PACC1: variants seen among roughly 807,000 people sequenced by gnomAD.
The protein encoded by PACC1 is proton activated chloride channel 1.
Under a neutral mutation model 39.7 loss-of-function variants are expected in PACC1, and 34 were observed. The observed-to-expected ratio is 0.86, with a 90% CI of 0.65 to 1.14. The LOEUF is 1.14. Ranked by LOEUF, PACC1 falls within the 50% of genes most tolerant of loss-of-function variation. The pLI is 0.00. For missense variants in PACC1, 379 were observed against 436.4 expected (o/e 0.87, Z 1.17); for synonymous variants, 127 against 160.6 (o/e 0.79, Z 1.58).
intron 2 of PACC1, among the ~76,000 whole-genome samples, chr1:212,390,601 A>G (rs1277644015): frequency 6.6e-6 from 1 of 151,988 alleles, no homozygotes; most frequent in Non-Finnish European, 1.5e-5. Flanking sequence ...GGTGCAGGAC[A>G]GTGGGTGCAG....
At chr1:212,370,530 G>A (rs2102467862) in intron 7 of PACC1, among the ~76,000 whole-genome samples, 1 of 152,346 alleles carries the variant, frequency 6.6e-6, no homozygotes, top group South Asian at 2.1e-4. Context: ...TTCTCCAGGG[G>A]AGACCATATG....
Position 212,401,602 on chromosome 1 carries a change from G to A in PACC1, c.133+8823C>T, listed in dbSNP as rs542648443. Among the ~76,000 whole-genome samples the A allele has an allele frequency of 8.8e-5, 12 of 135,980 alleles. 1 individual carries two copies. In the South Asian group the frequency reaches 2.6e-3, roughly 29 times the overall value. 89.2% of individuals were successfully genotyped at this position (135,980 alleles called of 152,430 possible). On this transcript the variant is annotated intron_variant, in intron 2 of 7. Coordinates refer to ENST00000261455, the MANE Select transcript of PACC1 (RefSeq NM_018252.3). ...GACGGCGCCACTGCACTCCAGCCTG[G>A]GCAACAGAGACTCTTGTCTCAAAAA...
chr1:212,387,487 T>C (rs149118337), intron 2 of PACC1: 218 of 217,574 alleles, frequency 1.0e-3, no homozygotes, highest in African/African-American at 4.9e-3. Flanking sequence ...GGCCCCAACC[T>C]ACCTCTCTGG....
intron 2 of PACC1, among the ~76,000 whole-genome samples, chr1:212,403,762 G>C (rs1661799815): frequency 6.6e-6 from 1 of 151,892 alleles, no homozygotes; most frequent in Non-Finnish European, 1.5e-5. Flanking sequence ...ACAGAGTTTT[G>C]CCATATTGCC....
At position 212,385,264 on chromosome 1, in the gene PACC1, C is replaced by T. The variant is rs1158682652; in HGVS notation, c.495+10G>A. On this transcript the variant is annotated intron_variant, in intron 4 of 7. Transcript: ENST00000261455. ...GCTGCCCAGACCCAGCTCAGGCAGA[C>T]AGGAATTACCACAGTCTGATTGGAG... is the stretch of plus-strand genomic sequence containing the variant. 2.5e-6 allele frequency: 4 copies of T among 1,613,810 alleles called. No homozygotes were observed. The highest frequency in any genetic ancestry group is 1.1e-5 in the South Asian group (1 of 91,058).
chr1:212,374,720 A>G (rs1660584497), intron 7 of PACC1, among the ~76,000 whole-genome samples: 1 of 152,180 alleles, frequency 6.6e-6, no homozygotes, highest in Non-Finnish European at 1.5e-5. Flanking sequence ...TGCTTTGTTA[A>G]TATTTTATTT....
Position 212,364,483 on chromosome 1 carries a change from T to C in PACC1, c.*732A>G, listed in dbSNP as rs1660161579. ...CATATTGTCACACTCGTTCCTTTTG[T>C]ATTAACTTTTATTTACCTGTTAATG... On this transcript the variant is annotated 3_prime_UTR_variant, in exon 8 of 8. Transcript: ENST00000261455. The C allele has an allele frequency of 6.6e-6, 1 of 152,610 alleles. No homozygotes were observed. Among genetic ancestry groups the C allele is most frequent in the Non-Finnish European group, 1.5e-5 (1 of 68,046 alleles). The allele number at this position is 152,610 out of a possible 1,614,324, so 9.5% of individuals were successfully genotyped here.
intron 4 of PACC1, among the ~76,000 whole-genome samples, chr1:212,381,728 C>G (rs1046244062): frequency 2.9e-5 from 4 of 136,394 alleles, no homozygotes; most frequent in African/African-American, 5.8e-5. Flanking sequence ...CACACACACA[C>G]AGCCCACATG....
chr1:212,386,990 C>T lies in PACC1; in HGVS notation c.244G>A (p.Val82Ile), dbSNP rs746376616. The T allele has an allele frequency of 1.1e-5, 17 of 1,614,198 alleles. No individual in the cohort carries two copies. Among genetic ancestry groups the T allele is most frequent in the Middle Eastern group, 3.3e-4 (2 of 6,062 alleles). ...FIYLLLMAVA[V>I]FLVYRTITDF... The stretch of plus-strand genomic sequence containing the variant: ...GTGATGGTCCGGTAGACCAGGAAGA[C>T]GGCCACAGCCATGAGCAGCAGGTAG... Residue 82 changes from valine (V) to isoleucine (I), a missense_variant, in exon 3 of 8, where the codon GTC becomes ATC. Coordinates refer to ENST00000261455, the MANE Select transcript of PACC1 (RefSeq NM_018252.3). This position sits in a 1 kb window ranked among gnomAD's most constrained non-coding sequence, Gnocchi z 5.0.
chr1:212,393,277 G>T (rs1202387128), intron 2 of PACC1, among the ~76,000 whole-genome samples: 1 of 152,214 alleles, frequency 6.6e-6, no homozygotes, highest in Non-Finnish European at 1.5e-5. Context: ...TCAGGATTAA[G>T]AAACTCACTC....
chr1:212,384,784 G>A (rs1325942898), intron 4 of PACC1, among the ~76,000 whole-genome samples: 12 of 152,194 alleles, frequency 7.9e-5, no homozygotes. Flanking sequence ...GGCCAGCCCA[G>A]GGCCCAGGAG....
intron 2 of PACC1, among the ~76,000 whole-genome samples, chr1:212,399,346 T>TGAG (rs771194236): frequency 1.5e-4 from 20 of 136,074 alleles, no homozygotes; most frequent in Non-Finnish European, 2.5e-4. Flanking sequence ...GAGTCCTGAC[T>TGAG]CCTAGCCCAA....
intron 7 of PACC1, among the ~76,000 whole-genome samples, chr1:212,372,995 A>T (rs1261213597): frequency 6.6e-6 from 1 of 152,190 alleles, no homozygotes; most frequent in Non-Finnish European, 1.5e-5. Flanking sequence ...TTACAGAAGT[A>T]GAAAAAAAAT....
At chr1:212,370,454 AC>A (rs1660407862) in intron 7 of PACC1, among the ~76,000 whole-genome samples, 1 of 152,224 alleles carries the variant, frequency 6.6e-6, no homozygotes, top group Non-Finnish European at 1.5e-5. Context: ...GGGCGACAGA[AC>A]GAGACTCCGT....
At chr1:212,390,688 A>G (rs1661285257) in intron 2 of PACC1, among the ~76,000 whole-genome samples, 1 of 152,226 alleles carries the variant, frequency 6.6e-6, no homozygotes, top group African/African-American at 2.4e-5. Flanking sequence ...ATTCCCTTTC[A>G]TAGCCAAGCA....
intron 1 of PACC1, among the ~76,000 whole-genome samples, chr1:212,413,245 C>A (rs1001035600): frequency 5.3e-5 from 8 of 152,164 alleles, no homozygotes; most frequent in Non-Finnish European, 1.0e-4. Context: ...GGCCAGATTC[C>A]AGCCAAGATC....
At chr1:212,367,289 G>A (rs1660280163) in intron 7 of PACC1, among the ~76,000 whole-genome samples, 2 of 152,186 alleles carry the variant, frequency 1.3e-5, no homozygotes, top group Admixed American at 1.3e-4. Context: ...GAGTAGAAAG[G>A]AGGGTCTCAC....
chr1:212,414,639 A>ACCCCCCCCCCCCCCACC, intron 1 of PACC1, 83 bp downstream of exon 1: 2 of 1,415,868 alleles, frequency 1.4e-6, no homozygotes, highest in African/African-American at 1.5e-5. Context: ...CAGCCCCGAC[A>ACCCCCCCCCCCCCCACC]CCCCCCGCCC....
chr1:212,401,344 AGCTAGGC>A (rs1489743690), intron 2 of PACC1, among the ~76,000 whole-genome samples: 1 of 152,026 alleles, frequency 6.6e-6, no homozygotes, highest in African/African-American at 2.4e-5. Flanking sequence ...TTCGAGATAC[AGCTAGGC>A]GCGGTGGCTC....
Sources: allele counts gnomAD v4.1 joint callset (sites outside exome capture counted in the v4.1 genomes callset), GRCh38; gene constraint gnomAD v4.1.1; non-coding constraint Gnocchi (gnomAD v3.1); transcripts MANE v1.5; gene names NCBI Gene and HGNC (gene_info 2026-07-23, HGNC 2026-07-21).